The following RNASEH2B variants were observed in gnomAD, a reference collection of about 807,000 sequenced individuals.
The protein encoded by RNASEH2B is Aicardi-Goutieres syndrome 2 protein.
A neutral mutation model predicts 45.0 loss-of-function variants in RNASEH2B; 36 were observed. That is an observed-to-expected ratio of 0.80 (90% CI 0.61 to 1.06). The LOEUF is 1.06. Ranked by LOEUF, RNASEH2B falls within the 50% of genes least tolerant of loss-of-function variation. The pLI is 0.00. For missense variants in RNASEH2B, 361 were observed against 360.3 expected, an observed-to-expected ratio of 1.00 and a Z score of -0.02; for synonymous variants, 119 against 125.7, an observed-to-expected ratio of 0.95 and a Z score of 0.35.
chr13:50,928,408 A>G (rs1353490168), intron 2 of RNASEH2B: 1 of 152,244 alleles, frequency 6.6e-6, no homozygotes, highest in Non-Finnish European at 1.5e-5. Flanking sequence ...CTATATTTAG[A>G]AATCTTAGTT....
At chr13:50,927,183 C>T in intron 1 of RNASEH2B, 1 of 444,660 alleles carries the variant, frequency 2.2e-6, no homozygotes, top group Non-Finnish European at 4.2e-6. Context: ...TAGACCCCTG[C>T]TTCTCATCAT....
chr13:50,940,989 T>C lies in RNASEH2B; in HGVS notation c.437-2332T>C, dbSNP rs575864757. ...ACTTCCTCAGTGACTTAGGAGAGTT[T>C]ACTTCATGTCACTCAGAGCCAGTCT... On this transcript the variant is annotated intron_variant, in intron 5 of 10. Transcript: ENST00000336617. 115 of 152,300 alleles carry C rather than the reference T, an allele frequency of 7.6e-4. 1 individual carries two copies. Among genetic ancestry groups the C allele is most frequent in the African/African-American group, 2.7e-3 (113 of 41,556 alleles). The allele number at this position is 152,300 out of a possible 1,614,324, so 9.4% of individuals were successfully genotyped here.
chr13:50,943,265 C>T (rs1271556184), intron 5 of RNASEH2B, 56 bp from the exon 6 acceptor site: 30 of 1,007,940 alleles, frequency 3.0e-5, no homozygotes, highest in South Asian at 1.8e-4. Context: ...ATGATACAAC[C>T]TTAGGAGTTT....
At chr13:50,937,007 A>G (rs894588914) in intron 5 of RNASEH2B, 1 of 152,186 alleles carries the variant, frequency 6.6e-6, no homozygotes, top group Admixed American at 6.5e-5. Flanking sequence ...GCCAGATTTC[A>G]AAAACCCTAG....
At chr13:50,918,786 G>A (rs1023341342) in intron 1 of RNASEH2B, among the ~76,000 whole-genome samples, 74 of 152,302 alleles carry the variant, frequency 4.9e-4, no homozygotes, top group South Asian at 4.1e-4. Flanking sequence ...GGAGGGTGCC[G>A]GGGCAGTGGG....
At chr13:50,954,180 G>C in intron 10 of RNASEH2B, 195 bp downstream of exon 10, 2 of 636,784 alleles carry the variant, frequency 3.1e-6, no homozygotes, top group Non-Finnish European at 5.6e-6. Context: ...CTTATTATTA[G>C]TCAGAGAAAA....
chr13:50,941,348 C>T (rs1488858556), intron 5 of RNASEH2B: 1 of 152,148 alleles, frequency 6.6e-6, no homozygotes, highest in Non-Finnish European at 1.5e-5. Flanking sequence ...TATGCATGAG[C>T]CCTGGTAGCA....
At chr13:50,969,418 T>C (rs906297508) in intron 9 of RNASEH2B, among the ~76,000 whole-genome samples, 5 of 151,820 alleles carry the variant, frequency 3.3e-5, no homozygotes, top group African/African-American at 1.2e-4. Flanking sequence ...CACAGGGACA[T>C]TAGGTGCTAC....
chr13:50,933,533 C>G (rs1030905620), intron 4 of RNASEH2B, among the ~76,000 whole-genome samples: 5 of 152,300 alleles, frequency 3.3e-5, no homozygotes, highest in Admixed American at 6.5e-5. Flanking sequence ...ATTATTGATA[C>G]ACACTTTTGA....
intron 4 of RNASEH2B, among the ~76,000 whole-genome samples, chr13:50,931,363 G>A (rs1400753213): frequency 6.6e-6 from 1 of 152,142 alleles, no homozygotes; most frequent in Non-Finnish European, 1.5e-5. Flanking sequence ...AAGAGCTTAT[G>A]TTTCTGTGGG....
chr13:50,930,315 T>C (rs1951661086), intron 3 of RNASEH2B, among the ~76,000 whole-genome samples: 1 of 152,238 alleles, frequency 6.6e-6, no homozygotes, highest in East Asian at 1.9e-4. Flanking sequence ...AGACTGACGA[T>C]ACAGGTTCCC....
intron 1 of RNASEH2B, 57 bp from the exon 2 acceptor site, chr13:50,927,350 G>T: frequency 9.8e-7 from 1 of 1,023,338 alleles, no homozygotes. Flanking sequence ...GGTAAAGTAA[G>T]GTGAGCAACA....
At chr13:50,910,858 T>C (rs141557372) in intron 1 of RNASEH2B, 5 of 152,304 alleles carry the variant, frequency 3.3e-5, no homozygotes, top group Non-Finnish European at 5.9e-5. Flanking sequence ...TTTATATATG[T>C]AACATTGGAA....
Position 50,919,399 on chromosome 13 carries a change from T to TG in RNASEH2B, c.65-8003dup, listed in dbSNP as rs1317299144. Among the ~76,000 whole-genome samples the TG allele has an allele frequency of 2.0e-5, 3 of 152,184 alleles. 1 individual carries two copies. Among genetic ancestry groups the TG allele is most frequent in the Non-Finnish European group, 4.4e-5 (3 of 68,024 alleles). ...TCAGCATTATAATGTCACAGATATC[T>TG]GGGGGTGGTGGGGAGAAGTATATGC... On this transcript the variant is annotated intron_variant, in intron 1 of 10. Coordinates refer to ENST00000336617, the MANE Select transcript of RNASEH2B (RefSeq NM_024570.4).
chr13:50,958,019 T>C (rs547989752), downstream of RNASEH2B, among the ~76,000 whole-genome samples: 1 of 152,282 alleles, frequency 6.6e-6, no homozygotes, highest in East Asian at 1.9e-4. Flanking sequence ...GTCAGTTGCA[T>C]AGTTTCTCTC....
rs549080554 is a variant in RNASEH2B, at chr13:50,918,200, C to T, written c.64+8060C>T. On this transcript the variant is annotated intron_variant, in intron 1 of 10. Transcript: ENST00000336617. ...TCGCCCAGGCTGGAGTGCAGTGGCA[C>T]GATCTCGGCTCACTGCAAGCTCCGC... 7.2e-5 allele frequency among the ~76,000 whole-genome samples: 11 copies of T among 152,196 alleles called. No homozygotes were observed. The East Asian group carries it at 1.4e-3, about 19-fold the overall frequency.
chr13:50,944,072 G>A (rs1223689321), intron 6 of RNASEH2B, among the ~76,000 whole-genome samples: 1 of 151,244 alleles, frequency 6.6e-6, no homozygotes, highest in African/African-American at 2.4e-5. Flanking sequence ...GACGGGATGG[G>A]ATGGGATGGG....
In RNASEH2B at chr13:50,945,465, G is replaced by A. The variant is rs760862553; in HGVS notation, c.549G>A (p.Val183=). The change falls in exon 7 of 11, where the codon GTG becomes GTA. Residue 183 remains valine, a synonymous_variant. Coordinates refer to ENST00000336617, the MANE Select transcript of RNASEH2B (RefSeq NM_024570.4). Reference sequence around the variant, plus strand: ...TGGCAGCATTAAAAACCAATAATGTGAATGTCAGTTCCCGGGTACAGTCAA... The same window carrying A: ...TGGCAGCATTAAAAACCAATAATGTAAATGTCAGTTCCCGGGTACAGTCAA... ...QTVAALKTNN[V]NVSSRVQSTA... 105 of 1,613,716 alleles carry A rather than the reference G, an allele frequency of 6.5e-5. 2 individuals are homozygous for A. In the South Asian group the frequency reaches 1.1e-3, roughly 17 times the overall value.
intron 8 of RNASEH2B, chr13:50,949,062 C>A (rs1410222617): frequency 1.1e-5 from 2 of 174,622 alleles, no homozygotes; most frequent in Admixed American, 5.8e-5. Flanking sequence ...AAACTGCTTT[C>A]TAATGGAAGA....
Sources: gnomAD v4.1 joint callset for allele counts (sites outside exome capture counted in the v4.1 genomes callset) on GRCh38, gnomAD v4.1.1 for gene constraint, MANE v1.5 for transcripts, NCBI Gene and HGNC (gene_info 2026-07-23, HGNC 2026-07-21) for gene names.